DNAH8: variants seen among roughly 807,000 people sequenced by gnomAD.
DNAH8 encodes the protein dynein axonemal heavy chain 8.
In DNAH8, 382 loss-of-function variants were observed where a neutral mutation model predicts 562.1. The observed-to-expected ratio is 0.68, with a 90% CI of 0.63 to 0.74. The LOEUF (loss-of-function observed/expected upper bound fraction) is 0.74. Ranked by LOEUF, DNAH8 falls within the 30% of genes least tolerant of loss-of-function variation. The probability of loss-of-function intolerance (pLI) is 0.00; values close to 1 mark genes in which losing one functional copy is unlikely to be tolerated. For missense variants in DNAH8, 5,203 were observed against 5,620.4 expected, an observed-to-expected ratio of 0.93 and a Z score of 2.37; for synonymous variants, 1,881 against 1,919.4, an observed-to-expected ratio of 0.98 and a Z score of 0.52.
At chr6:38,803,126 A>G in intron 21 of DNAH8, 53 bp from the exon 22 acceptor site, 1 of 1,298,950 alleles carries the variant, frequency 7.7e-7, no homozygotes, top group Non-Finnish European at 1.0e-6. Context: ...ACTAATTTTC[A>G]CAGTGTTACT....
Position 38,805,605 on chromosome 6 carries a change from T to C in DNAH8, c.3150+9T>C, listed in dbSNP as rs1376798740. On this transcript the variant is annotated intron_variant, in intron 23 of 92. Transcript: ENST00000327475. ...AAGATGAATTTAAAAAGGTATTTAT[T>C]GTGGAACAACTTCATGCAATTCACA... 1 of 1,433,818 alleles carries C rather than the reference T, an allele frequency of 7.0e-7. No individual in the cohort carries two copies. The allele number at this position is 1,433,818 out of a possible 1,614,324, so 88.8% of individuals were successfully genotyped here.
Position 38,730,136 on chromosome 6 carries a change from A to G in DNAH8, c.610+150A>G. 4 of 529,074 alleles carry G rather than the reference A, an allele frequency of 7.6e-6. No individual in the cohort carries two copies. In the South Asian group the frequency reaches 1.2e-4, roughly 16 times the overall value. The allele number at this position is 529,074 out of a possible 1,614,324, so 32.8% of individuals were successfully genotyped here. A position where few individuals can be genotyped will look rare whatever the true frequency, so the allele number is the denominator to read the frequency against. On this transcript the variant is annotated intron_variant, in intron 4 of 92. Coordinates refer to ENST00000327475, the MANE Select transcript of DNAH8 (RefSeq NM_001206927.2). ...TAAGAAATATAGTGTCTCAAGAACA[A>G]TACATTCTCAGCCCAAATACATATT...
In DNAH8 at chr6:39,002,005, G is replaced by T. The variant is rs73412434; in HGVS notation, c.13215-6809G>T. On this transcript the variant is annotated intron_variant, in intron 88 of 92. Coordinates refer to ENST00000327475, the MANE Select transcript of DNAH8 (RefSeq NM_001206927.2). ...AGGAAGCCATCTCTGAGGGTTCTCA[G>T]TTGGGCAACTGGGCAGACATTGATG... Among the ~76,000 whole-genome samples, 1,456 of 152,300 alleles carry T rather than the reference G, an allele frequency of 9.6e-3. 34 individuals are homozygous for T. Among genetic ancestry groups the T allele is most frequent in the African/African-American group, 0.033 (1,370 of 41,544 alleles).
intron 77 of DNAH8, among the ~76,000 whole-genome samples, chr6:38,937,404 C>T (rs1204604386): frequency 2.6e-5 from 4 of 152,010 alleles, no homozygotes; most frequent in Non-Finnish European, 4.4e-5. Context: ...TCAAGTTTCT[C>T]TTCCTGGTGA....
chr6:38,938,321 C>A, intron 78 of DNAH8, 95 bp downstream of exon 78: 2 of 1,417,792 alleles, frequency 1.4e-6, no homozygotes, highest in Non-Finnish European at 1.9e-6. Context: ...TTCACAATAG[C>A]AAAGACATGG....
Position 38,920,256 on chromosome 6 carries a change from A to G in DNAH8, c.10525-1113A>G, listed in dbSNP as rs147963554. Reference sequence around the variant, plus strand: ...AGCCTCCCAAACTGCTCCCAGGATTATAGGTGTGAGCCACTGTGCCAGGCT... The same window carrying G: ...AGCCTCCCAAACTGCTCCCAGGATTGTAGGTGTGAGCCACTGTGCCAGGCT... On this transcript the variant is annotated intron_variant, in intron 70 of 92. Transcript: ENST00000327475. 4.9e-4 allele frequency among the ~76,000 whole-genome samples: 75 copies of G among 152,268 alleles called. 1 individual carries two copies. The highest frequency in any genetic ancestry group is 1.6e-3 in the African/African-American group (65 of 41,552).
rs921890586 is a variant in DNAH8, at chr6:38,735,804, T to C, written c.762+1179T>C. Reference sequence around the variant, plus strand: ...ATGGATTCTTTTATTTACCTGTATATCTCTAAATAATATGCTCAGACTGCT... The same window carrying C: ...ATGGATTCTTTTATTTACCTGTATACCTCTAAATAATATGCTCAGACTGCT... On this transcript the variant is annotated intron_variant, in intron 5 of 92. Coordinates refer to ENST00000327475, the MANE Select transcript of DNAH8 (RefSeq NM_001206927.2). Among the ~76,000 whole-genome samples the C allele has an allele frequency of 2.0e-5, 3 of 152,170 alleles. No homozygotes were observed. In the South Asian group the frequency reaches 6.2e-4, roughly 31 times the overall value.
In DNAH8 at chr6:38,765,262, G is replaced by A. The variant is rs377489508; in HGVS notation, c.1617+3459G>A. Among the ~76,000 whole-genome samples, 11 of 152,270 alleles carry A rather than the reference G, an allele frequency of 7.2e-5. No individual in the cohort carries two copies. The East Asian group carries it at 2.1e-3, about 29-fold the overall frequency. ...GCAAATACTGTCTTCCAGTCTAGAG[G>A]TTGTCTCTTCACTCTGTTTTCTTTT... On this transcript the variant is annotated intron_variant, in intron 11 of 92. Coordinates refer to ENST00000327475, the MANE Select transcript of DNAH8 (RefSeq NM_001206927.2).
At chr6:38,754,410 G>A (rs11963469) in intron 9 of DNAH8, among the ~76,000 whole-genome samples, 4,873 of 152,058 alleles carry the variant, frequency 0.032, 247 homozygotes, top group African/African-American at 0.11. Context: ...ATGAATTCTG[G>A]CCTAGAAGGT....
At chr6:38,887,987 C>T (rs1390283561) in intron 57 of DNAH8, among the ~76,000 whole-genome samples, 4 of 151,914 alleles carry the variant, frequency 2.6e-5, no homozygotes, top group African/African-American at 9.7e-5. Flanking sequence ...CAGGCGCCTG[C>T]CACCACACCC....
chr6:38,951,564 T>C, intron 82 of DNAH8, 44 bp downstream of exon 82: 1 of 1,555,010 alleles, frequency 6.4e-7, no homozygotes, highest in Non-Finnish European at 8.8e-7. Context: ...TTCCATATTT[T>C]TTTGCCCCAA....
intron 52 of DNAH8, among the ~76,000 whole-genome samples, chr6:38,874,435 T>C (rs1777832741): frequency 6.6e-6 from 1 of 150,638 alleles, no homozygotes; most frequent in African/African-American, 2.4e-5. Context: ...GTGCAATCAA[T>C]CATAACTCAC....
At chr6:39,013,393 T>C (rs1766356653) in intron 91 of DNAH8, among the ~76,000 whole-genome samples, 1 of 152,264 alleles carries the variant, frequency 6.6e-6, no homozygotes, top group Non-Finnish European at 1.5e-5. Flanking sequence ...TTGTTTCTTG[T>C]AGCAATATAG....
At chr6:38,740,412 T>C (rs993985723) in intron 7 of DNAH8, among the ~76,000 whole-genome samples, 1 of 152,218 alleles carries the variant, frequency 6.6e-6, no homozygotes, top group Non-Finnish European at 1.5e-5. Flanking sequence ...AGGTTTTGCA[T>C]ATCTTTCATT....
At chr6:38,887,579 C>T (rs906216791) in intron 57 of DNAH8, among the ~76,000 whole-genome samples, 7 of 152,022 alleles carry the variant, frequency 4.6e-5, no homozygotes, top group Admixed American at 6.6e-5. Flanking sequence ...TGGTGGCACA[C>T]GTCTGTAGTC....
At position 38,896,911 on chromosome 6, in the gene DNAH8, G is replaced by A. The variant is rs1400538197; in HGVS notation, c.8940+686G>A. 2.0e-5 allele frequency among the ~76,000 whole-genome samples: 3 copies of A among 152,024 alleles called. 1 individual carries two copies. Among genetic ancestry groups the A allele is most frequent in the South Asian group, 4.1e-4 (2 of 4,822 alleles). On this transcript the variant is annotated intron_variant, in intron 60 of 92. Transcript: ENST00000327475. ...AGCAATTCTCCTGCCTCAGCCTCCC[G>A]AGTAGCTGGGATTACAGGTGCCCCC...
intron 33 of DNAH8, among the ~76,000 whole-genome samples, chr6:38,838,491 C>G (rs571027525): frequency 1.3e-5 from 2 of 151,084 alleles, no homozygotes; most frequent in East Asian, 4.0e-4. Context: ...CTCTGCCTCC[C>G]GGATTCATGC....
chr6:38,875,536 T>G, intron 52 of DNAH8, 55 bp from the exon 53 acceptor site: 1 of 1,082,644 alleles, frequency 9.2e-7, no homozygotes, highest in Non-Finnish European at 1.3e-6. Flanking sequence ...TTATTTACAA[T>G]TTTTTATTTT....
chr6:38,750,936 CATATTTAAA>C (rs1765393787), intron 9 of DNAH8, among the ~76,000 whole-genome samples: 1 of 151,980 alleles, frequency 6.6e-6, no homozygotes, highest in Non-Finnish European at 1.5e-5. Flanking sequence ...TATTTTAACC[CATATTTAAA>C]TATATAGTGA....
Sources: gnomAD v4.1 joint callset for allele counts (sites outside exome capture counted in the v4.1 genomes callset) on GRCh38, gnomAD v4.1.1 for gene constraint, MANE v1.5 for transcripts, NCBI Gene and HGNC (gene_info 2026-07-23, HGNC 2026-07-21) for gene names.